Variants in MARCHF1 observed in about 807,000 individuals in gnomAD.
The protein encoded by MARCHF1 is membrane associated ring-CH-type finger 1, also known as E3 ubiquitin-protein ligase MARCHF1.
In MARCHF1, 40 loss-of-function variants were observed where a neutral mutation model predicts 54.2. The ratio of observed to expected loss-of-function variants is 0.74; its 90% CI spans 0.57 to 0.96. The LOEUF (loss-of-function observed/expected upper bound fraction) is 0.96. Among genes scored for constraint, MARCHF1 ranks in the 40% least tolerant of loss-of-function variants. The pLI, the probability that MARCHF1 is intolerant of heterozygous loss-of-function variation, is 0.00. For missense variants in MARCHF1, 586 were observed against 656.5 expected (o/e 0.89, Z 1.17); for synonymous variants, 236 against 236.3 (o/e 1.00, Z 0.01).
intron 1 of MARCHF1, among the ~76,000 whole-genome samples, chr4:164,146,405 C>G (rs868057517): frequency 2.0e-5 from 3 of 152,102 alleles, no homozygotes; most frequent in Admixed American, 6.5e-5. Flanking sequence ...AGGCATCACA[C>G]TACCTGACTT....
intron 4 of MARCHF1, among the ~76,000 whole-genome samples, chr4:163,851,308 C>A (rs11934453): frequency 6.6e-6 from 1 of 152,128 alleles, no homozygotes; most frequent in Non-Finnish European, 1.5e-5. Context: ...TCCTCTCTGA[C>A]CTCTAGATTG....
chr4:163,627,578 A>C (rs894066420), intron 5 of MARCHF1, among the ~76,000 whole-genome samples: 4 of 152,182 alleles, frequency 2.6e-5, no homozygotes, highest in African/African-American at 9.6e-5. Flanking sequence ...CTTCGATGTC[A>C]GGTTAAGTAT....
At chr4:164,243,796 G>C (rs985633239) in intron 1 of MARCHF1, among the ~76,000 whole-genome samples, 3 of 152,068 alleles carry the variant, frequency 2.0e-5, no homozygotes, top group South Asian at 2.1e-4. Context: ...AAAAAAGGCA[G>C]GGGTTGCAAT....
chr4:163,760,411 T>G (rs1746795744), intron 4 of MARCHF1, among the ~76,000 whole-genome samples: 1 of 152,234 alleles, frequency 6.6e-6, no homozygotes, highest in African/African-American at 2.4e-5. Flanking sequence ...CGGATGAGGA[T>G]GCAGGCATCT....
At chr4:163,654,885 T>C (rs1225714152) in intron 5 of MARCHF1, among the ~76,000 whole-genome samples, 1 of 151,688 alleles carries the variant, frequency 6.6e-6, no homozygotes, top group Non-Finnish European at 1.5e-5. Flanking sequence ...TAAACTGTGA[T>C]TAGTCATATA....
chr4:164,028,090 T>C (rs4056285), intron 2 of MARCHF1, among the ~76,000 whole-genome samples: 70,613 of 151,978 alleles, frequency 0.46, 17,989 homozygotes, highest in Non-Finnish European at 0.57. Flanking sequence ...GAGTAGACTA[T>C]GGAGAAAAGG....
At chr4:164,362,185 T>C (rs999916627) in intron 1 of MARCHF1, among the ~76,000 whole-genome samples, 2 of 152,178 alleles carry the variant, frequency 1.3e-5, no homozygotes, top group Admixed American at 1.3e-4. Context: ...TTTTCTACAA[T>C]GATTAATATC....
intron 4 of MARCHF1, among the ~76,000 whole-genome samples, chr4:163,758,305 C>T (rs1436685407): frequency 6.6e-6 from 1 of 152,068 alleles, no homozygotes; most frequent in Non-Finnish European, 1.5e-5. Flanking sequence ...GGGCTGGAGA[C>T]ACAGTGATTT....
chr4:164,113,753 T>C (rs1016740843), intron 1 of MARCHF1, among the ~76,000 whole-genome samples: 4 of 152,020 alleles, frequency 2.6e-5, no homozygotes, highest in Admixed American at 6.6e-5. Flanking sequence ...GACATGAGAT[T>C]TATCTTTCAA....
At chr4:163,936,089 A>G (rs951076950) in intron 3 of MARCHF1, among the ~76,000 whole-genome samples, 1 of 152,186 alleles carries the variant, frequency 6.6e-6, no homozygotes, top group Non-Finnish European at 1.5e-5. Context: ...GTCCGAGGAC[A>G]GGGAGAGAGA....
At chr4:163,741,512 G>A (rs1746194811) in intron 4 of MARCHF1, among the ~76,000 whole-genome samples, 1 of 151,714 alleles carries the variant, frequency 6.6e-6, no homozygotes, top group African/African-American at 2.4e-5. Flanking sequence ...GAGCCCAGGA[G>A]ATGGAGGTTG....
Position 163,894,956 on chromosome 4 carries a change from T to TATATATATGCATGTGATGC in MARCHF1, c.-38-40788_-38-40787insGCATCACATGCATATATAT, listed in dbSNP as rs1553961646. On this transcript the variant is annotated intron_variant, in intron 3 of 9. Coordinates refer to ENST00000514618, the MANE Select transcript of MARCHF1 (RefSeq NM_001394959.1). ...CATATATATATATGCATGTGATGCATATATATATATGCATGTGATGCACAC... is the reference window on the plus strand; with the variant it reads ...CATATATATATATGCATGTGATGCATATATATATGCATGTGATGCATATATATATGCATGTGATGCACAC... 4.7e-4 allele frequency among the ~76,000 whole-genome samples: 13 copies of TATATATATGCATGTGATGC among 27,954 alleles called. 1 individual carries two copies. Among genetic ancestry groups the TATATATATGCATGTGATGC allele is most frequent in the African/African-American group, 1.4e-3 (7 of 4,874 alleles). The allele number at this position is 27,954 out of a possible 152,430, so 18.3% of individuals were successfully genotyped here.
At chr4:163,894,433 GTGAA>G (rs1287731358) in intron 3 of MARCHF1, among the ~76,000 whole-genome samples, 2 of 151,644 alleles carry the variant, frequency 1.3e-5, no homozygotes, top group Admixed American at 6.6e-5. Flanking sequence ...TGTACAATGA[GTGAA>G]TGAAAGATTA....
intron 1 of MARCHF1, among the ~76,000 whole-genome samples, chr4:164,348,921 C>A (rs893319522): frequency 3.3e-5 from 5 of 152,260 alleles, no homozygotes; most frequent in Admixed American, 1.3e-4. Flanking sequence ...GTGTCTCATA[C>A]TCTAGTGAAG....
intron 1 of MARCHF1, among the ~76,000 whole-genome samples, chr4:164,263,730 A>G (rs1217705481): frequency 5.9e-5 from 9 of 152,232 alleles, no homozygotes; most frequent in Admixed American, 2.0e-4. Flanking sequence ...TGCAGCCAAC[A>G]AACACACACA....
intron 5 of MARCHF1, among the ~76,000 whole-genome samples, chr4:163,693,564 G>A (rs1393510427): frequency 6.6e-6 from 1 of 151,346 alleles, no homozygotes. Context: ...TGGGCTCTCT[G>A]TCAAATCTGA....
Position 163,595,844 on chromosome 4 carries a change from C to T in MARCHF1, c.1011-9915G>A, listed in dbSNP as rs149694158. Among the ~76,000 whole-genome samples the T allele has an allele frequency of 1.1e-3, 170 of 151,868 alleles. 1 individual carries two copies. The highest frequency in any genetic ancestry group is 5.3e-4 in the Non-Finnish European group (36 of 67,946). ...TAGAGATCTGCTGTACAACACTGTGCCTATAGTTAACAGTAAATACTGTAC... is the reference window on the plus strand; with the variant it reads ...TAGAGATCTGCTGTACAACACTGTGTCTATAGTTAACAGTAAATACTGTAC... On this transcript the variant is annotated intron_variant, in intron 7 of 9. Transcript: ENST00000514618.
intron 3 of MARCHF1, among the ~76,000 whole-genome samples, chr4:163,874,362 T>G (rs1260451351): frequency 6.6e-6 from 1 of 152,294 alleles, no homozygotes; most frequent in South Asian, 2.1e-4. Flanking sequence ...AGTTCCAGCA[T>G]GTAGCCGTTC....
rs551174589 is a variant in MARCHF1 at position 164,285,112 on chromosome 4, CCTAT to C, written c.-323+98754_-323+98757del. Reference sequence around the variant, plus strand: ...CCTGACTCTGCTGAACAATTACATACCTATCTATTATTATAAATTTTAAAAATTG... The same window carrying C: ...CCTGACTCTGCTGAACAATTACATACCTATTATTATAAATTTTAAAAATTG... On this transcript the variant is annotated intron_variant, in intron 1 of 9. Coordinates refer to ENST00000514618, the MANE Select transcript of MARCHF1 (RefSeq NM_001394959.1). Among the ~76,000 whole-genome samples, 307 of 152,246 alleles carry C rather than the reference CCTAT, an allele frequency of 2.0e-3. 2 individuals carry two copies. Among genetic ancestry groups the C allele is most frequent in the Admixed American group, 4.3e-3 (66 of 15,296 alleles).
Sources: allele counts gnomAD v4.1 joint callset (sites outside exome capture counted in the v4.1 genomes callset), GRCh38; gene constraint gnomAD v4.1.1; transcripts MANE v1.5; gene names NCBI Gene and HGNC (gene_info 2026-07-23, HGNC 2026-07-21).